Variants in CNOT10 observed in about 807,000 individuals in gnomAD.
CNOT10 encodes CCR4-NOT transcription complex, subunit 10.
CNOT10 carries 30 observed loss-of-function variants against 94.6 expected under a neutral mutation model. That is an observed-to-expected ratio of 0.32 (90% confidence interval 0.24 to 0.43). The LOEUF is 0.43. CNOT10 is among the 20% of genes least tolerant of loss of function. The pLI is 1.00. For missense variants in CNOT10, 759 were observed against 877.2 expected (o/e 0.87, Z 1.70); for synonymous variants, 289 against 301.6 (o/e 0.96, Z 0.43).
intron 13 of CNOT10, chr3:32,753,860 GT>G: frequency 6.8e-7 from 1 of 1,461,328 alleles, no homozygotes; most frequent in Non-Finnish European, 9.6e-7. Flanking sequence ...TAAAAGGAAA[GT>G]TGAAATCAAT....
In CNOT10 at chr3:32,773,739, A is replaced by T. The variant is rs2396631; in HGVS notation, c.*128A>T. 1 allele frequency: 940,142 copies of T among 943,446 alleles called. 468,503 individuals are homozygous for T. Among genetic ancestry groups the T allele is most frequent in the East Asian group, 1 (33,626 of 33,626 alleles). 58.4% of individuals were successfully genotyped at this position (943,446 alleles called of 1,614,324 possible). A position where few individuals can be genotyped will look rare whatever the true frequency, so the allele number is the denominator to read the frequency against. ...ATTTTGAGTCAATTCTACCCCTGAC[A>T]TTTGGCCAAAAGCTTACTTAAAATT... is the stretch of plus-strand genomic sequence containing the variant. On this transcript the variant is annotated 3_prime_UTR_variant, in exon 19 of 19. Transcript: ENST00000328834.
intron 1 of CNOT10, among the ~76,000 whole-genome samples, chr3:32,689,566 A>G (rs897742931): frequency 6.6e-6 from 1 of 152,104 alleles, no homozygotes; most frequent in Non-Finnish European, 1.5e-5. Flanking sequence ...TCTAAAGAAC[A>G]TCAAGCAGAC....
chr3:32,724,615 T>C (rs1000154190), intron 8 of CNOT10, among the ~76,000 whole-genome samples: 2 of 152,126 alleles, frequency 1.3e-5, no homozygotes, highest in Admixed American at 6.5e-5. Context: ...GGTTTCACCA[T>C]GTTAGCGAGG....
chr3:32,687,740 A>C (rs932424752), intron 1 of CNOT10: 3 of 152,186 alleles, frequency 2.0e-5, no homozygotes, highest in African/African-American at 4.8e-5. Context: ...GGCGTGAGCC[A>C]CCGCGCCCTG....
intron 1 of CNOT10, among the ~76,000 whole-genome samples, chr3:32,702,540 T>C (rs546076406): frequency 6.6e-6 from 1 of 152,346 alleles, no homozygotes; most frequent in African/African-American, 2.4e-5. Flanking sequence ...TGTGTTAATA[T>C]TTTGGATTTC....
chr3:32,747,467 T>G (rs1185476606), intron 13 of CNOT10, among the ~76,000 whole-genome samples: 1 of 152,036 alleles, frequency 6.6e-6, no homozygotes, highest in African/African-American at 2.4e-5. Flanking sequence ...TAATTTTACG[T>G]GTTTCTTTTA....
chr3:32,772,925 G>A (rs1252506110), intron 18 of CNOT10, among the ~76,000 whole-genome samples: 3 of 152,164 alleles, frequency 2.0e-5, no homozygotes, highest in Admixed American at 6.5e-5. Context: ...GAATGTAGTG[G>A]CGTGATCTTG....
At chr3:32,705,233 A>G (rs568112587) in intron 3 of CNOT10, among the ~76,000 whole-genome samples, 9 of 152,314 alleles carry the variant, frequency 5.9e-5, no homozygotes, top group African/African-American at 2.2e-4. Flanking sequence ...GAGTTTTGAG[A>G]AAGAACTATA....
rs1261222331 is a variant in CNOT10, at chr3:32,764,794, A to G, written c.1989A>G (p.Arg663=). 6 of 1,614,214 alleles carry G rather than the reference A, an allele frequency of 3.7e-6. No homozygotes were observed. The highest frequency in any genetic ancestry group is 5.1e-6 in the Non-Finnish European group (6 of 1,180,042). The part of the protein sequence containing the change: ...YCLRSEYDKA[R]KCLHQAASMI... ...TGAGGAGCGAATATGACAAAGCCCG[A>G]AAGTGTCTCCACCAGGTGAGTCCAG... is the stretch of plus-strand genomic sequence containing the variant. Residue 663 remains arginine (R), a synonymous_variant, in exon 17 of 19, where the codon CGA becomes CGG. Transcript: ENST00000328834.
At chr3:32,720,367 G>GCAAAAATTTCCAGGAATTCTTGTTTCTAC in intron 8 of CNOT10, 136 bp downstream of exon 8, 1 of 435,476 alleles carries the variant, frequency 2.3e-6, no homozygotes, top group East Asian at 3.2e-5. Context: ...TATTTCTGGT[G>GCAAAAATTTCCAGGAATTCTTGTTTCTAC]CAAAAATTTC....
chr3:32,727,571 A>G lies in CNOT10; in HGVS notation c.1013-97A>G. On this transcript the variant is annotated intron_variant, in intron 9 of 18. Transcript: ENST00000328834. ...ACTCAGATCAGGATTATTGGTGTTA[A>G]ACATGGTAGTGTCTAAGTACTTAAT... 2 of 789,628 alleles carry G rather than the reference A, an allele frequency of 2.5e-6. 1 individual carries two copies. The highest frequency in any genetic ancestry group is 3.0e-5 in the South Asian group (2 of 66,802). 48.9% of individuals were successfully genotyped at this position (789,628 alleles called of 1,614,324 possible). A position where few individuals can be genotyped will look rare whatever the true frequency, so the allele number is the denominator to read the frequency against.
intron 12 of CNOT10, 97 bp from the exon 13 acceptor site, chr3:32,737,313 C>CA (rs139514342): frequency 1.6e-3 from 1,157 of 738,416 alleles, no homozygotes; most frequent in Non-Finnish European, 1.9e-3. Context: ...AACTCTGTCT[C>CA]AAAAAAAAAG....
rs1393071719 is a variant in CNOT10 at position 32,727,880 on chromosome 3, A to G, written c.1215+10A>G. 2.5e-6 allele frequency: 4 copies of G among 1,604,504 alleles called. No homozygotes were observed. Among genetic ancestry groups the G allele is most frequent in the Non-Finnish European group, 3.4e-6 (4 of 1,176,398 alleles). On this transcript the variant is annotated intron_variant, in intron 10 of 18. Coordinates refer to ENST00000328834, the MANE Select transcript of CNOT10 (RefSeq NM_015442.3). ...TGCTGCCAATAAGGGGGTGAGTGCT[A>G]CTTGGGTATCTTTTTAAACCCTGTC...
At chr3:32,769,173 T>G (rs1700789847) in intron 17 of CNOT10, 1 of 152,322 alleles carries the variant, frequency 6.6e-6, no homozygotes, top group South Asian at 2.1e-4. Flanking sequence ...CAGAGCTGTC[T>G]GGAAGCAATG....
chr3:32,689,734 G>C (rs1429749906), intron 1 of CNOT10, among the ~76,000 whole-genome samples: 2 of 152,076 alleles, frequency 1.3e-5, no homozygotes, highest in Non-Finnish European at 2.9e-5. Flanking sequence ...TGGGAGAATC[G>C]CTTGAGGCCA....
chr3:32,701,118 TAAA>T (rs1697322454), intron 1 of CNOT10, among the ~76,000 whole-genome samples: 1 of 151,796 alleles, frequency 6.6e-6, no homozygotes, highest in Non-Finnish European at 1.5e-5. Context: ...CTACTAAAAA[TAAA>T]AAAATTAGCC....
intron 15 of CNOT10, 57 bp downstream of exon 15, chr3:32,762,920 T>C: frequency 6.9e-7 from 1 of 1,446,790 alleles, no homozygotes; most frequent in Non-Finnish European, 9.1e-7. Flanking sequence ...CCTCCTGTCA[T>C]AATTCAGGAT....
intron 13 of CNOT10, chr3:32,753,913 T>G: frequency 1.7e-6 from 2 of 1,153,450 alleles, no homozygotes; most frequent in Non-Finnish European, 2.6e-6. Context: ...TAAATTAATT[T>G]GCTCTCACAC....
intron 8 of CNOT10, among the ~76,000 whole-genome samples, chr3:32,720,476 TCCCCTCCCC>T (rs1202322230): frequency 6.6e-6 from 1 of 152,048 alleles, no homozygotes; most frequent in Non-Finnish European, 1.5e-5. Context: ...ATCGCTTTCC[TCCCCTCCCC>T]CACCTTTTTT....
Sources: allele counts gnomAD v4.1 joint callset (sites outside exome capture counted in the v4.1 genomes callset), GRCh38; gene constraint gnomAD v4.1.1; transcripts MANE v1.5; gene names NCBI Gene and HGNC (gene_info 2026-07-23, HGNC 2026-07-21).